Variants in LRBA observed in about 807,000 individuals in gnomAD.
LRBA encodes the protein lipopolysaccharide-responsive and beige-like anchor protein.
A neutral mutation model predicts 330.0 loss-of-function variants in LRBA; 176 were observed. That is an observed-to-expected ratio of 0.53 (90% CI 0.47 to 0.60). The LOEUF (loss-of-function observed/expected upper bound fraction) is 0.60. LRBA is among the 20% of genes least tolerant of loss of function. The pLI, the probability that LRBA is intolerant of heterozygous loss-of-function variation, is 0.00. For missense variants in LRBA, 3,259 were observed against 3,444.8 expected, an observed-to-expected ratio of 0.95 and a Z score of 1.35; for synonymous variants, 1,230 against 1,193.0, an observed-to-expected ratio of 1.03 and a Z score of -0.64.
chr4:150,506,390 G>A (rs1393928162), intron 40 of LRBA, among the ~76,000 whole-genome samples: 1 of 152,074 alleles, frequency 6.6e-6, no homozygotes, highest in East Asian at 1.9e-4. Flanking sequence ...TGATCAAGTG[G>A]GCTTCATCCC....
chr4:150,834,795 T>G (rs1369272090), intron 28 of LRBA, among the ~76,000 whole-genome samples: 1 of 152,154 alleles, frequency 6.6e-6, no homozygotes, highest in Admixed American at 6.5e-5. Context: ...CTAGGAACAT[T>G]GTAGGATGGT....
At chr4:150,453,445 G>A (rs1219841512) in intron 44 of LRBA, among the ~76,000 whole-genome samples, 1 of 152,078 alleles carries the variant, frequency 6.6e-6, no homozygotes. Flanking sequence ...GGTGTTAGAA[G>A]AATTGGACTT....
intron 48 of LRBA, among the ~76,000 whole-genome samples, chr4:150,349,119 G>C (rs2127050782): frequency 6.6e-6 from 1 of 152,250 alleles, no homozygotes; most frequent in South Asian, 2.1e-4. Context: ...ACATAAGCCA[G>C]GTGATAATAT....
chr4:150,835,700 G>GGCTGAGATGT (rs1747937880), intron 28 of LRBA, among the ~76,000 whole-genome samples: 1 of 152,006 alleles, frequency 6.6e-6, no homozygotes, highest in Non-Finnish European at 1.5e-5. Flanking sequence ...GGAGATTTTG[G>GGCTGAGATGT]GCTGAGATGA....
intron 2 of LRBA, among the ~76,000 whole-genome samples, chr4:151,009,942 T>C (rs1228478152): frequency 1.3e-5 from 2 of 151,956 alleles, no homozygotes; most frequent in Non-Finnish European, 2.9e-5. Context: ...ATCGCGCCAC[T>C]GCACTCCAGC....
chr4:150,787,753 T>C (rs1384141286), intron 34 of LRBA, among the ~76,000 whole-genome samples: 3 of 152,226 alleles, frequency 2.0e-5, no homozygotes, highest in Admixed American at 1.3e-4. Context: ...TCAAATACTA[T>C]TATTTTATTT....
chr4:150,541,300 A>C (rs1271876735), intron 40 of LRBA, among the ~76,000 whole-genome samples: 2 of 152,202 alleles, frequency 1.3e-5, no homozygotes, highest in East Asian at 3.9e-4. Flanking sequence ...CCCAGCTTCT[A>C]CTTATCTCTT....
In LRBA at chr4:150,559,923, TATAA is replaced by T. The variant is rs1397751935; in HGVS notation, c.6330+28121_6330+28124del. On this transcript the variant is annotated intron_variant, in intron 40 of 56. Transcript: ENST00000651943. ...TATATAATTATATATAATATATAAA[TATAA>T]ATATATATATATCTATATAAATATA... 4.3e-3 allele frequency among the ~76,000 whole-genome samples: 412 copies of T among 96,028 alleles called. 12 individuals carry two copies. In the Admixed American group the frequency reaches 0.046, roughly 11 times the overall value. 63.0% of individuals were successfully genotyped at this position (96,028 alleles called of 152,430 possible). A position where few individuals can be genotyped will look rare whatever the true frequency, so the allele number is the denominator to read the frequency against.
At chr4:150,388,088 G>A (rs887111518) in intron 47 of LRBA, among the ~76,000 whole-genome samples, 24 of 152,182 alleles carry the variant, frequency 1.6e-4, no homozygotes, top group African/African-American at 5.8e-4. Context: ...CCAAGATCAA[G>A]GTTCCCATAA....
chr4:150,489,744 T>C (rs1758665602), intron 41 of LRBA, among the ~76,000 whole-genome samples: 1 of 135,558 alleles, frequency 7.4e-6, no homozygotes, highest in Non-Finnish European at 1.6e-5. Context: ...TAATTATACA[T>C]AGGAATATAT....
chr4:150,473,939 C>T (rs949155058), intron 42 of LRBA, among the ~76,000 whole-genome samples: 6 of 152,134 alleles, frequency 3.9e-5, no homozygotes, highest in African/African-American at 1.4e-4. Context: ...TCTTCATTTA[C>T]TTAGTGGTCA....
At chr4:150,933,769 T>C (rs866870155) in intron 2 of LRBA, among the ~76,000 whole-genome samples, 9 of 152,084 alleles carry the variant, frequency 5.9e-5, no homozygotes, top group African/African-American at 7.2e-5. Context: ...CCCAGCACTT[T>C]GGGAAACCGA....
intron 42 of LRBA, among the ~76,000 whole-genome samples, chr4:150,475,664 A>G (rs961681313): frequency 6.6e-6 from 1 of 151,998 alleles, no homozygotes; most frequent in African/African-American, 2.4e-5. Context: ...TAGAAGGCTA[A>G]GGAGGGAGGA....
intron 47 of LRBA, among the ~76,000 whole-genome samples, chr4:150,386,504 G>A (rs748527768): frequency 2.0e-5 from 3 of 147,046 alleles, no homozygotes; most frequent in Non-Finnish European, 4.4e-5. Context: ...ACTTCTAGGT[G>A]AGAGCACGTG....
intron 47 of LRBA, among the ~76,000 whole-genome samples, chr4:150,395,998 T>TTA (rs771349248): frequency 1.3e-5 from 2 of 152,310 alleles, no homozygotes; most frequent in East Asian, 3.9e-4. Context: ...TTGTGTCAAC[T>TTA]TGAGTGGGCT....
rs896893440 is a variant in LRBA at position 150,565,456 on chromosome 4, C to G, written c.6330+22592G>C. Among the ~76,000 whole-genome samples the G allele has an allele frequency of 3.3e-5, 5 of 151,756 alleles. No homozygotes were observed. In the South Asian group the frequency reaches 8.3e-4, roughly 25 times the overall value. On this transcript the variant is annotated intron_variant, in intron 40 of 56. Transcript: ENST00000651943. ...GCAAACCACCATGGCACATGTAAAC[C>G]CATGTAACAAACCTGCACATTCTGC...
chr4:150,357,751 C>G (rs1329610655), intron 47 of LRBA, among the ~76,000 whole-genome samples: 2 of 150,978 alleles, frequency 1.3e-5, no homozygotes, highest in Non-Finnish European at 3.0e-5. Context: ...AGCCTTTGCT[C>G]AGAAAATAAT....
chr4:150,941,288 G>A (rs1380951141), intron 2 of LRBA, among the ~76,000 whole-genome samples: 1 of 151,890 alleles, frequency 6.6e-6, no homozygotes, highest in African/African-American at 2.4e-5. Context: ...GAGTAGCTGG[G>A]ATTACAGGCG....
rs1263201587 is a variant in LRBA, at chr4:150,908,725, G to A, written c.1294C>T (p.Leu432Phe). ...GGGTTGTCCTTAGGAGATGATTCAA[G>A]ACAAAGCTGGGCATCTGTAGCCCGT... Reference protein sequence around the residue: ...NPRATDAQLCLESSPKDNPSI... With the variant: ...NPRATDAQLCFESSPKDNPSI... The change falls in exon 10 of 57, where the codon CTT (leucine) becomes TTT (phenylalanine). Residue 432 changes from leucine (L) to phenylalanine (F), a missense_variant. Coordinates refer to ENST00000651943, the MANE Select transcript of LRBA (RefSeq NM_001364905.1). 1 of 1,613,976 alleles carries A rather than the reference G, an allele frequency of 6.2e-7. No individual in the cohort carries two copies. The highest frequency in any genetic ancestry group is 8.5e-7 in the Non-Finnish European group (1 of 1,179,882).
Sources: allele counts gnomAD v4.1 joint callset (sites outside exome capture counted in the v4.1 genomes callset), GRCh38; gene constraint gnomAD v4.1.1; transcripts MANE v1.5; gene names NCBI Gene and HGNC (gene_info 2026-07-23, HGNC 2026-07-21).